The following GALNTL6 variants were observed in gnomAD, a reference collection of about 807,000 sequenced individuals.
GALNTL6 encodes the protein polypeptide N-acetylgalactosaminyltransferase like 6, also known as polypeptide N-acetylgalactosaminyltransferase-like 6.
Under a neutral mutation model 73.7 loss-of-function variants are expected in GALNTL6, and 46 were observed. That is an observed-to-expected ratio of 0.62 (90% CI 0.49 to 0.80). The LOEUF is 0.80. Ranked by LOEUF, GALNTL6 falls within the 30% of genes least tolerant of loss-of-function variation. The pLI is 0.00. For synonymous variants in GALNTL6, 259 were observed against 263.7 expected, an observed-to-expected ratio of 0.98 and a Z score of 0.17; for missense variants, 604 against 755.0, an observed-to-expected ratio of 0.80 and a Z score of 2.34.
intron 9 of GALNTL6, among the ~76,000 whole-genome samples, chr4:172,950,216 G>A (rs1749376819): frequency 6.6e-6 from 1 of 152,184 alleles, no homozygotes; most frequent in Non-Finnish European, 1.5e-5. Flanking sequence ...CTGATCATCT[G>A]TCTGTTAAGG....
intron 5 of GALNTL6, among the ~76,000 whole-genome samples, chr4:172,559,058 A>AGTT (rs1736248991): frequency 1.3e-5 from 1 of 77,380 alleles, no homozygotes; most frequent in Non-Finnish European, 2.2e-5. Flanking sequence ...ATGATAATGG[A>AGTT]TTTTTTTTTT....
At chr4:172,704,912 TGA>T in intron 5 of GALNTL6, among the ~76,000 whole-genome samples, 2 of 152,176 alleles carry the variant, frequency 1.3e-5, no homozygotes, top group East Asian at 3.9e-4. Flanking sequence ...CTTGCCAAGT[TGA>T]CTCTGTTCTC....
intron 7 of GALNTL6, among the ~76,000 whole-genome samples, chr4:172,843,721 G>A (rs1341205385): frequency 1.3e-5 from 2 of 152,174 alleles, no homozygotes; most frequent in East Asian, 3.8e-4. Flanking sequence ...AATGACAGAT[G>A]TCCTTGAAGT....
chr4:172,754,027 A>G (rs1324115981), intron 5 of GALNTL6, among the ~76,000 whole-genome samples: 1 of 152,216 alleles, frequency 6.6e-6, no homozygotes, highest in Non-Finnish European at 1.5e-5. Context: ...AATTTTACAC[A>G]AAAGAAGGAG....
At position 172,952,125 on chromosome 4, in the gene GALNTL6, G is replaced by T; in HGVS notation, c.1238G>T (p.Gly413Val). 1 of 1,614,108 alleles carries T rather than the reference G, an allele frequency of 6.2e-7. No individual in the cohort carries two copies. Among genetic ancestry groups the T allele is most frequent in the African/African-American group, 1.3e-5 (1 of 75,036 alleles). ...CCGGAGTACAGGCATCTCTCCACGG[G>T]GGACATCTCTGCCCAGAAGGAGCTG... Reference protein sequence around the residue: ...RRPEYRHLSTGDISAQKELRK... With the variant: ...RRPEYRHLSTVDISAQKELRK... Residue 413 changes from glycine (G) to valine (V), a missense_variant, in exon 10 of 13, where the codon GGG becomes GTG. Gly to Val is a moderately radical substitution (Grantham distance 109). Transcript: ENST00000506823.
At chr4:172,015,018 T>C (rs1741141391) in intron 2 of GALNTL6, among the ~76,000 whole-genome samples, 1 of 152,136 alleles carries the variant, frequency 6.6e-6, no homozygotes, top group Non-Finnish European at 1.5e-5. Context: ...GAAAGGAATG[T>C]ATAATCTGCA....
intron 2 of GALNTL6, among the ~76,000 whole-genome samples, chr4:172,116,853 T>G (rs551625599): frequency 6.6e-6 from 1 of 152,176 alleles, no homozygotes; most frequent in Non-Finnish European, 1.5e-5. Context: ...GAAGCAAATA[T>G]AAGCTTTTTG....
chr4:172,633,622 T>A (rs941897674), intron 5 of GALNTL6, among the ~76,000 whole-genome samples: 2 of 152,132 alleles, frequency 1.3e-5, no homozygotes, highest in Non-Finnish European at 2.9e-5. Context: ...CTGAAATGAG[T>A]TAAGACTTTG....
chr4:172,049,137 T>C (rs1248040825), intron 2 of GALNTL6, among the ~76,000 whole-genome samples: 3 of 152,192 alleles, frequency 2.0e-5, no homozygotes, highest in African/African-American at 7.2e-5. Context: ...TATAGTATCT[T>C]TAGGTTATTT....
At position 172,813,632 on chromosome 4, in the gene GALNTL6, G is replaced by A. The variant is rs1741435929; in HGVS notation, c.832G>A (p.Ala278Thr). The A allele has an allele frequency of 1.2e-6, 2 of 1,613,490 alleles. No homozygotes were observed. The highest frequency in any genetic ancestry group is 1.7e-6 in the Non-Finnish European group (2 of 1,179,580). The change falls in exon 7 of 13, where the codon GCC becomes ACC. Residue 278 changes from alanine (A) to threonine (T), a missense_variant. Ala to Thr is a moderately conservative substitution (Grantham distance 58). Coordinates refer to ENST00000506823, the MANE Select transcript of GALNTL6 (RefSeq NM_001034845.3). ...HFGYEAQAGD[A>T]MRGAFDWEMY... ...CGGGTATGAGGCACAAGCTGGGGAT[G>A]CCATGCGAGGAGCCTTCGACTGGGA... is the stretch of plus-strand genomic sequence containing the variant.
intron 5 of GALNTL6, among the ~76,000 whole-genome samples, chr4:172,741,369 A>G (rs1479272788): frequency 6.6e-6 from 1 of 152,048 alleles, no homozygotes; most frequent in East Asian, 1.9e-4. Context: ...CACCAAGCAA[A>G]GGAGAAGAAA....
chr4:172,907,784 T>C (rs1424774211), intron 8 of GALNTL6, among the ~76,000 whole-genome samples: 1 of 152,204 alleles, frequency 6.6e-6, no homozygotes, highest in Non-Finnish European at 1.5e-5. Context: ...CTAGCATGAA[T>C]TTCTTTTTCC....
At chr4:172,883,307 A>G (rs965926663) in intron 8 of GALNTL6, among the ~76,000 whole-genome samples, 5 of 152,204 alleles carry the variant, frequency 3.3e-5, no homozygotes, top group Non-Finnish European at 7.3e-5. Flanking sequence ...CCATTTTTGC[A>G]TTGCTATAAA....
At chr4:172,248,422 C>T (rs1737732778) in intron 3 of GALNTL6, among the ~76,000 whole-genome samples, 2 of 152,262 alleles carry the variant, frequency 1.3e-5, no homozygotes, top group South Asian at 2.1e-4. Flanking sequence ...TAATGACTAA[C>T]ACTCATTGTG....
intron 10 of GALNTL6, among the ~76,000 whole-genome samples, chr4:173,005,716 G>A (rs1056281798): frequency 6.6e-6 from 1 of 152,108 alleles, no homozygotes; most frequent in East Asian, 1.9e-4. Flanking sequence ...TAATCTTGAG[G>A]AAGAGCTGGA....
At chr4:172,688,677 C>T (rs1238940735) in intron 5 of GALNTL6, among the ~76,000 whole-genome samples, 3 of 152,164 alleles carry the variant, frequency 2.0e-5, no homozygotes, top group Admixed American at 6.5e-5. Context: ...GGCACTCCTG[C>T]TCCACAACTC....
rs183384337 is a variant in GALNTL6, at chr4:173,010,807, A to G, written c.1488+1513A>G. 7.5e-5 allele frequency among the ~76,000 whole-genome samples: 11 copies of G among 146,690 alleles called. No homozygotes were observed. The East Asian group carries it at 1.0e-3, about 13-fold the overall frequency. On this transcript the variant is annotated intron_variant, in intron 11 of 12. Coordinates refer to ENST00000506823, the MANE Select transcript of GALNTL6 (RefSeq NM_001034845.3). The stretch of plus-strand genomic sequence containing the variant: ...TTTTTAGTAGAGACAGGGGTTCACC[A>G]TGTTGGCCAGAATGGTCTCGATCTC...
At chr4:172,534,168 C>T (rs969577743) in intron 5 of GALNTL6, among the ~76,000 whole-genome samples, 6 of 152,124 alleles carry the variant, frequency 3.9e-5, no homozygotes, top group Non-Finnish European at 5.9e-5. Flanking sequence ...CCAATGGGTG[C>T]GAAGCTGGGA....
At chr4:171,848,968 T>G (rs1307657997) in intron 2 of GALNTL6, among the ~76,000 whole-genome samples, 1 of 152,144 alleles carries the variant, frequency 6.6e-6, no homozygotes, top group Non-Finnish European at 1.5e-5. Flanking sequence ...ACAAGTGTAG[T>G]TTTTTTACAT....
Sources: allele counts gnomAD v4.1 joint callset (sites outside exome capture counted in the v4.1 genomes callset), GRCh38; gene constraint gnomAD v4.1.1; transcripts MANE v1.5; gene names NCBI Gene and HGNC (gene_info 2026-07-23, HGNC 2026-07-21).